ITGB5: variants seen among roughly 807,000 people sequenced by gnomAD.
ITGB5 encodes the protein integrin subunit beta 5.
In ITGB5, 38 loss-of-function variants were observed where a neutral mutation model predicts 84.8. That is an observed-to-expected ratio of 0.45 (90% CI 0.35 to 0.59). The LOEUF (loss-of-function observed/expected upper bound fraction) is 0.59. Among genes scored for constraint, ITGB5 ranks in the 20% least tolerant of loss-of-function variants. ITGB5 has a pLI of 0.01. For missense variants in ITGB5, 905 were observed against 1,034.5 expected (o/e 0.87, Z 1.72); for synonymous variants, 393 against 414.4 (o/e 0.95, Z 0.63).
chr3:124,834,620 G>A (rs1330789515), intron 5 of ITGB5, among the ~76,000 whole-genome samples: 4 of 123,866 alleles, frequency 3.2e-5, no homozygotes, highest in African/African-American at 1.2e-4. Flanking sequence ...AGGGAAGGAT[G>A]GGGAGGGAGG....
intron 6 of ITGB5, among the ~76,000 whole-genome samples, chr3:124,820,671 A>G (rs2064687163): frequency 6.6e-6 from 1 of 152,206 alleles, no homozygotes; most frequent in African/African-American, 2.4e-5. Flanking sequence ...TTTGGCAGGA[A>G]AATTGCACAG....
In ITGB5 at chr3:124,873,463, C is replaced by T. The variant is rs750269951; in HGVS notation, c.139G>A (p.Ala47Thr). Residue 47 changes from alanine (A) to threonine (T), a missense_variant, in exon 2 of 15, where the codon GCC (alanine) becomes ACC (threonine). Ala to Thr is a moderately conservative substitution (Grantham distance 58). Transcript: ENST00000296181. The part of the protein sequence containing the change: ...EECLLIHPKC[A>T]WCSKEDFGSP... ...CTACATACCTCTTTGGAGCACCAGG[C>T]ACATTTTGGGTGGATTAGCAGACAT... The T allele has an allele frequency of 1.9e-6, 3 of 1,613,294 alleles. No individual in the cohort carries two copies. The South Asian group carries it at 3.3e-5, about 18-fold the overall frequency.
At chr3:124,772,773 T>G (rs996956037) in intron 11 of ITGB5, among the ~76,000 whole-genome samples, 3 of 152,084 alleles carry the variant, frequency 2.0e-5, no homozygotes, top group Admixed American at 6.6e-5. Context: ...GGGGCCCAGG[T>G]CTAGACAATC....
chr3:124,823,959 G>C (rs992784070), intron 5 of ITGB5, among the ~76,000 whole-genome samples: 1 of 152,106 alleles, frequency 6.6e-6, no homozygotes, highest in Non-Finnish European at 1.5e-5. Context: ...TAAATGGACA[G>C]AGATATCATT....
At chr3:124,895,063 G>A (rs894774804) in intron 1 of ITGB5, among the ~76,000 whole-genome samples, 1 of 152,218 alleles carries the variant, frequency 6.6e-6, no homozygotes, top group Non-Finnish European at 1.5e-5. Context: ...CACAGATGTG[G>A]CTTGGGGAGA....
chr3:124,796,287 G>T, intron 10 of ITGB5, 101 bp downstream of exon 10: 1 of 1,093,028 alleles, frequency 9.1e-7, no homozygotes, highest in Non-Finnish European at 1.3e-6. Context: ...CCATGGTAGT[G>T]ACACTTTCTA....
At chr3:124,804,470 C>A (rs1001126266) in intron 9 of ITGB5, among the ~76,000 whole-genome samples, 1 of 151,996 alleles carries the variant, frequency 6.6e-6, no homozygotes, top group Non-Finnish European at 1.5e-5. Flanking sequence ...ATTGCCTGAG[C>A]CTTGGAGTTA....
In ITGB5 at chr3:124,769,309, G is replaced by A. The variant is rs61761673; in HGVS notation, c.1917-196C>T. On this transcript the variant is annotated intron_variant, in intron 11 of 14. Coordinates refer to ENST00000296181, the MANE Select transcript of ITGB5 (RefSeq NM_002213.5). ...AGCCCAAGGGTTCTTGGAGGAGCCT[G>A]TGTGAGTTTAGTGGCATGTCTTGTC... 7.7e-3 allele frequency: 4,274 copies of A among 557,918 alleles called. 160 individuals carry two copies. The highest frequency in any genetic ancestry group is 0.073 in the African/African-American group (3,849 of 52,788). The allele number at this position is 557,918 out of a possible 1,614,324, so 34.6% of individuals were successfully genotyped here.
At chr3:124,799,155 C>CA (rs1490962701) in intron 9 of ITGB5, among the ~76,000 whole-genome samples, 1 of 151,950 alleles carries the variant, frequency 6.6e-6, no homozygotes, top group Non-Finnish European at 1.5e-5. Flanking sequence ...GAGAGATTGA[C>CA]AAAAACAACT....
intron 9 of ITGB5, among the ~76,000 whole-genome samples, chr3:124,798,093 G>A (rs1442752994): frequency 7.7e-6 from 1 of 129,332 alleles, no homozygotes. Context: ...TCGCTCTGTT[G>A]CCAGGCTGGA....
intron 2 of ITGB5, among the ~76,000 whole-genome samples, chr3:124,863,987 GA>G (rs201225996): frequency 6.3e-4 from 29 of 46,266 alleles, no homozygotes; most frequent in African/African-American, 1.6e-3. Context: ...GAAAAAAAAA[GA>G]AAAAAAAGAA....
At chr3:124,896,432 A>C (rs1935102556) in intron 1 of ITGB5, among the ~76,000 whole-genome samples, 1 of 152,148 alleles carries the variant, frequency 6.6e-6, no homozygotes. Flanking sequence ...TTCAGAGACC[A>C]CACTTGGCTT....
chr3:124,872,238 G>A (rs1934090323), intron 2 of ITGB5, among the ~76,000 whole-genome samples: 1 of 152,204 alleles, frequency 6.6e-6, no homozygotes, highest in South Asian at 2.1e-4. Context: ...TAGCAAGCAA[G>A]AGGCCATATA....
chr3:124,801,697 C>T (rs531500387), intron 9 of ITGB5, among the ~76,000 whole-genome samples: 2 of 152,362 alleles, frequency 1.3e-5, no homozygotes, highest in Admixed American at 1.3e-4. Context: ...TCTACCCCCA[C>T]CACCATTCCC....
rs919798139 is a variant in ITGB5 at position 124,859,778 on chromosome 3, A to T, written c.157-332T>A. On this transcript the variant is annotated intron_variant, in intron 2 of 14. Coordinates refer to ENST00000296181, the MANE Select transcript of ITGB5 (RefSeq NM_002213.5). Reference sequence around the variant, plus strand: ...AATGATCAGAAGTTGTATAGCTAAAATTTTTTAAAAGTTGTTATATATTGC... The same window carrying T: ...AATGATCAGAAGTTGTATAGCTAAATTTTTTTAAAAGTTGTTATATATTGC... Among the ~76,000 whole-genome samples, 3 of 152,160 alleles carry T rather than the reference A, an allele frequency of 2.0e-5. No individual in the cohort carries two copies. The East Asian group carries it at 5.8e-4, about 29-fold the overall frequency.
intron 2 of ITGB5, 85 bp downstream of exon 2, chr3:124,873,361 T>G (rs1381745282): frequency 1.1e-6 from 1 of 891,994 alleles, no homozygotes; most frequent in Admixed American, 1.7e-5. Flanking sequence ...GTATAGTGAA[T>G]TAGTGTGTTG....
rs116825624 is a variant in ITGB5 at position 124,796,772 on chromosome 3, G to A, written c.1309C>T (p.His437Tyr). ...SLEARSCPSRHTEHVFALRPV... is the reference protein window; with the variant it reads ...SLEARSCPSRYTEHVFALRPV... ...CGCAGGGCAAACACATGCTCCGTGT[G>A]TCTGCTGGGACAGCTTCGGGCCTCC... is the stretch of plus-strand genomic sequence containing the variant. The change falls in exon 10 of 15, where the codon CAC (histidine) becomes TAC (tyrosine). Residue 437 changes from histidine (H) to tyrosine (Y), a missense_variant. Physicochemically the swap from His to Tyr is moderately conservative, Grantham distance 83 (BLOSUM62 2). This residue lies in a region of ITGB5 where 656 missense variants were observed against 734.7 expected (regional missense o/e 0.89). Coordinates refer to ENST00000296181, the MANE Select transcript of ITGB5 (RefSeq NM_002213.5). The A allele has an allele frequency of 1.2e-6, 2 of 1,613,284 alleles. No homozygotes were observed. The highest frequency in any genetic ancestry group is 2.7e-5 in the African/African-American group (2 of 75,056).
chr3:124,897,116 A>G (rs1935118836), intron 1 of ITGB5, among the ~76,000 whole-genome samples: 1 of 152,118 alleles, frequency 6.6e-6, no homozygotes, highest in African/African-American at 2.4e-5. Context: ...CAAAGGCCCT[A>G]TCCCTGATCT....
intron 8 of ITGB5, among the ~76,000 whole-genome samples, chr3:124,816,624 C>T (rs1374714124): frequency 6.6e-6 from 1 of 152,100 alleles, no homozygotes; most frequent in African/African-American, 2.4e-5. Flanking sequence ...TCCACACTTC[C>T]CAACACAAGA....
Sources: allele counts gnomAD v4.1 joint callset (sites outside exome capture counted in the v4.1 genomes callset), GRCh38; gene constraint gnomAD v4.1.1; regional missense constraint gnomAD v4.1.1; transcripts MANE v1.5; gene names NCBI Gene and HGNC (gene_info 2026-07-23, HGNC 2026-07-21).